COL24A1: variants seen among roughly 807,000 people sequenced by gnomAD.
The protein encoded by COL24A1 is collagen type XXIV alpha 1 chain, also known as collagen alpha-1(XXIV) chain.
COL24A1 carries 224 observed loss-of-function variants against 253.9 expected under a neutral mutation model. The observed-to-expected ratio is 0.88, with a 90% CI of 0.79 to 0.99. The LOEUF (loss-of-function observed/expected upper bound fraction) is 0.99. Among genes scored for constraint, COL24A1 ranks in the 50% least tolerant of loss-of-function variants. The probability of loss-of-function intolerance (pLI) is 0.00; values close to 1 mark genes in which losing one functional copy is unlikely to be tolerated. For synonymous variants in COL24A1, 685 were observed against 673.7 expected (o/e 1.02, Z -0.26); for missense variants, 2,131 against 2,068.5 (o/e 1.03, Z -0.59).
intron 55 of COL24A1, among the ~76,000 whole-genome samples, chr1:85,755,073 G>A (rs77115763): frequency 0.01 from 1,527 of 152,128 alleles, 22 homozygotes; most frequent in African/African-American, 0.034. Flanking sequence ...CATCATGTCC[G>A]AGAGATCTTC....
At position 85,832,336 on chromosome 1, in the gene COL24A1, A is replaced by G. The variant is rs1011440953; in HGVS notation, c.3681+6249T>C. ...GCTGTTTTGGTTACTGTAGCCTTGT[A>G]GTATAGTTTGAAGTCAGGTAGCGTG... On this transcript the variant is annotated intron_variant, in intron 43 of 59. Transcript: ENST00000370571. 1.2e-3 allele frequency among the ~76,000 whole-genome samples: 179 copies of G among 152,076 alleles called. 2 individuals carry two copies. The highest frequency in any genetic ancestry group is 1.9e-3 in the Non-Finnish European group (130 of 67,996).
At chr1:86,136,783 C>A (rs980915834) in intron 2 of COL24A1, among the ~76,000 whole-genome samples, 1 of 152,058 alleles carries the variant, frequency 6.6e-6, no homozygotes, top group Non-Finnish European at 1.5e-5. Flanking sequence ...TTTTACCCCA[C>A]AGAAATCTCA....
At chr1:85,787,725 C>G (rs1243309150) in intron 47 of COL24A1, among the ~76,000 whole-genome samples, 2 of 152,272 alleles carry the variant, frequency 1.3e-5, no homozygotes, top group African/African-American at 4.8e-5. Context: ...TGGGTATATA[C>G]CCAGTAATGG....
Position 86,125,515 on chromosome 1 carries a change from A to G in COL24A1, c.821T>C (p.Phe274Ser), listed in dbSNP as rs1321104616. 1 of 1,613,500 alleles carries G rather than the reference A, an allele frequency of 6.2e-7. No individual in the cohort carries two copies. Among genetic ancestry groups the G allele is most frequent in the Non-Finnish European group, 8.5e-7 (1 of 1,179,790 alleles). The change falls in exon 3 of 60, where the codon TTT becomes TCT. Residue 274 changes from phenylalanine to serine, a missense_variant. Coordinates refer to ENST00000370571, the MANE Select transcript of COL24A1 (RefSeq NM_152890.7). ...IPEHSPPPKL[F>S]AEKVLSEDTF... ...ATCCTCTGACAGTACTTTTTCAGCA[A>G]ATAGTTTGGGCGGGGGAGAGTGTTC...
At chr1:85,968,318 T>C (rs1691773556) in intron 22 of COL24A1, among the ~76,000 whole-genome samples, 2 of 152,174 alleles carry the variant, frequency 1.3e-5, no homozygotes. Flanking sequence ...CCTGCTATAT[T>C]GGATTTTATT....
At chr1:85,904,206 A>G (rs960166936) in intron 28 of COL24A1, among the ~76,000 whole-genome samples, 9 of 152,174 alleles carry the variant, frequency 5.9e-5, no homozygotes, top group Non-Finnish European at 1.3e-4. Context: ...AAAAATGCTC[A>G]GTTGTATGCC....
At chr1:85,926,822 TA>T (rs1687303991) in intron 24 of COL24A1, among the ~76,000 whole-genome samples, 1 of 151,238 alleles carries the variant, frequency 6.6e-6, no homozygotes, top group Non-Finnish European at 1.5e-5. Flanking sequence ...ATAATAATAA[TA>T]ATTATAATAA....
intron 3 of COL24A1, among the ~76,000 whole-genome samples, 162 bp from the exon 4 acceptor site, chr1:86,115,540 G>C (rs190500895): frequency 8.5e-5 from 13 of 152,166 alleles, no homozygotes; most frequent in African/African-American, 2.9e-4. Flanking sequence ...TAATCAGCAG[G>C]GGTGAGTTGA....
At chr1:85,849,289 A>G (rs2102324015) in intron 38 of COL24A1, 64 bp downstream of exon 38, 2 of 1,169,720 alleles carry the variant, frequency 1.7e-6, no homozygotes, top group Non-Finnish European at 2.5e-6. Context: ...ACATTACAGC[A>G]GTCTATGGAG....
intron 35 of COL24A1, among the ~76,000 whole-genome samples, chr1:85,870,461 A>G (rs1680334916): frequency 6.6e-6 from 1 of 152,224 alleles, no homozygotes; most frequent in South Asian, 2.1e-4. Flanking sequence ...AGCACTCCTC[A>G]GCAAGTGTAA....
intron 5 of COL24A1, among the ~76,000 whole-genome samples, chr1:86,099,869 T>C (rs1196952452): frequency 6.6e-6 from 1 of 152,168 alleles, no homozygotes; most frequent in Non-Finnish European, 1.5e-5. Context: ...TGATGTTATT[T>C]GCCTGCTTAG....
At chr1:85,989,671 T>C (rs1042489118) in intron 19 of COL24A1, among the ~76,000 whole-genome samples, 5 of 152,246 alleles carry the variant, frequency 3.3e-5, no homozygotes, top group African/African-American at 9.6e-5. Context: ...GGTCTCTATT[T>C]ATCTCTCTTC....
intron 31 of COL24A1, among the ~76,000 whole-genome samples, 192 bp downstream of exon 31, chr1:85,895,666 T>G (rs182617452): frequency 2.4e-4 from 36 of 152,230 alleles, no homozygotes; most frequent in Admixed American, 5.2e-4. Context: ...TAAACAATAG[T>G]TGTATTAGAG....
chr1:86,038,216 C>T (rs571783768), intron 12 of COL24A1, among the ~76,000 whole-genome samples: 5 of 152,030 alleles, frequency 3.3e-5, no homozygotes, highest in South Asian at 4.1e-4. Flanking sequence ...AATTCTATTA[C>T]CTCAGGAAGA....
chr1:86,033,229 T>C (rs1007104575), intron 13 of COL24A1, among the ~76,000 whole-genome samples: 2 of 152,198 alleles, frequency 1.3e-5, no homozygotes, highest in Non-Finnish European at 2.9e-5. Flanking sequence ...CTATTCCCAA[T>C]TTAGGCTACA....
intron 7 of COL24A1, among the ~76,000 whole-genome samples, chr1:86,088,719 G>C (rs1557571911): frequency 6.6e-6 from 1 of 151,976 alleles, no homozygotes; most frequent in Non-Finnish European, 1.5e-5. Flanking sequence ...AGTAAAATGA[G>C]AACCCCTTAA....
intron 51 of COL24A1, among the ~76,000 whole-genome samples, chr1:85,781,811 G>C (rs1027224053): frequency 2.0e-5 from 3 of 152,138 alleles, no homozygotes; most frequent in Non-Finnish European, 2.9e-5. Flanking sequence ...AATTAAATAT[G>C]AAAAGTGCTT....
At position 85,991,663 on chromosome 1, in the gene COL24A1, T is replaced by C. The variant is rs79136130; in HGVS notation, c.2311-4009A>G. Among the ~76,000 whole-genome samples, 415 of 152,324 alleles carry C rather than the reference T, an allele frequency of 2.7e-3. 2 individuals are homozygous for C. The highest frequency in any genetic ancestry group is 0.018 in the South Asian group (86 of 4,824). ...TTCTGGGTAAACATGCAACACTGAA[T>C]ATACGTGTGAATCTCTGCTCCTTAA... On this transcript the variant is annotated intron_variant, in intron 19 of 59. Coordinates refer to ENST00000370571, the MANE Select transcript of COL24A1 (RefSeq NM_152890.7).
At chr1:85,818,132 C>T in intron 45 of COL24A1, 45 bp from the exon 46 acceptor site, 1 of 1,510,828 alleles carries the variant, frequency 6.6e-7, no homozygotes. Flanking sequence ...AATAATCTTA[C>T]TTAAACTGAA....
Sources: allele counts gnomAD v4.1 joint callset (sites outside exome capture counted in the v4.1 genomes callset), GRCh38; gene constraint gnomAD v4.1.1; transcripts MANE v1.5; gene names NCBI Gene and HGNC (gene_info 2026-07-23, HGNC 2026-07-21).